Variants in ATXN2 observed in about 807,000 individuals in gnomAD.
ATXN2 encodes the protein ataxin-2.
In ATXN2, 37 loss-of-function variants were observed where a neutral mutation model predicts 138.6. The ratio of observed to expected loss-of-function variants is 0.27; its 90% confidence interval spans 0.21 to 0.35. ATXN2 has a LOEUF of 0.35. ATXN2 is among the 10% of genes least tolerant of loss of function. ATXN2 has a pLI of 1.00. For synonymous variants in ATXN2, 549 were observed against 543.7 expected (o/e 1.01, Z -0.13); for missense variants, 1,216 against 1,480.3 (o/e 0.82, Z 2.93).
chr12:111,496,879 GAAAT>G (rs1391595507), intron 14 of ATXN2, among the ~76,000 whole-genome samples: 1 of 151,202 alleles, frequency 6.6e-6, no homozygotes, highest in African/African-American at 2.4e-5. Context: ...AATCAAAGCA[GAAAT>G]AAATAAAATT....
At chr12:111,587,024 C>CAGA (rs1884380323) in intron 1 of ATXN2, among the ~76,000 whole-genome samples, 2 of 141,188 alleles carry the variant, frequency 1.4e-5, no homozygotes, top group South Asian at 4.4e-4. Context: ...AGTTTAAGCC[C>CAGA]AGAAGTTGGA....
At position 111,453,625 on chromosome 12, in the gene ATXN2, C is replaced by T. The variant is rs1476352158; in HGVS notation, c.3439+52G>A. 6.7e-6 allele frequency: 10 copies of T among 1,484,300 alleles called. No individual in the cohort carries two copies. The Admixed American group carries it at 7.2e-5, about 11-fold the overall frequency. The allele number at this position is 1,484,300 out of a possible 1,614,324, so 91.9% of individuals were successfully genotyped here. On this transcript the variant is annotated intron_variant, in intron 24 of 24. Coordinates refer to ENST00000673436, the MANE Select transcript of ATXN2 (RefSeq NM_001372574.1). This position sits in a 1 kb window ranked among gnomAD's most constrained non-coding sequence, Gnocchi z 5.4. ...GGCCCTGCCTGCCATTCCACCTGTG[C>T]GAGCAGAATGCTTTGGGGTGCCCCG...
At position 111,598,969 on chromosome 12, in the gene ATXN2, C is replaced by CTGT; in HGVS notation, c.65_66insACA (p.Gln28dup). 3 of 1,500,878 alleles carry CTGT rather than the reference C, an allele frequency of 2.0e-6. No homozygotes were observed. The highest frequency in any genetic ancestry group is 2.1e-5 in the Admixed American group (1 of 47,930). The allele number at this position is 1,500,878 out of a possible 1,614,324, so 93.0% of individuals were successfully genotyped here. A position where few individuals can be genotyped will look rare whatever the true frequency, so the allele number is the denominator to read the frequency against. On this transcript the variant is annotated inframe_insertion, in exon 1 of 25. Transcript: ENST00000673436. This position sits in a 1 kb window ranked among gnomAD's most constrained non-coding sequence, Gnocchi z 4.5. The stretch of plus-strand genomic sequence containing the variant: ...GCGGCGGCTGCTGCTGCTGCTGCTG[C>CTGT]TGCTGCTGTTGCTGCTGCTGCTGCT...
At position 111,599,127 on chromosome 12, in the gene ATXN2, G is replaced by T. The variant is rs1281787839; in HGVS notation, c.-93C>A. 24 of 1,228,120 alleles carry T rather than the reference G, an allele frequency of 2.0e-5. No homozygotes were observed. Among genetic ancestry groups the T allele is most frequent in the Non-Finnish European group, 2.2e-5 (22 of 985,776 alleles). 76.1% of individuals were successfully genotyped at this position (1,228,120 alleles called of 1,614,324 possible). A position where few individuals can be genotyped will look rare whatever the true frequency, so the allele number is the denominator to read the frequency against. On this transcript the variant is annotated 5_prime_UTR_variant, in exon 1 of 25. Transcript: ENST00000673436. ...ACGCCGGAACGCGGCGGGGACGCGC[G>T]GGCGCCGAGCGGGGAGGCGCGGGTT...
intron 1 of ATXN2, among the ~76,000 whole-genome samples, chr12:111,578,729 T>G (rs1202131742): frequency 2.0e-5 from 3 of 152,098 alleles, no homozygotes; most frequent in Non-Finnish European, 4.4e-5. Context: ...TCACTGGGCA[T>G]TAGGGAAATG....
In ATXN2 at chr12:111,598,088, C is replaced by A. The variant is rs1018171038; in HGVS notation, c.251+696G>T. On this transcript the variant is annotated intron_variant, in intron 1 of 24. Transcript: ENST00000673436. This position sits in a 1 kb window ranked among gnomAD's most constrained non-coding sequence, Gnocchi z 4.5. The stretch of plus-strand genomic sequence containing the variant: ...GAGGGTGGAACGCTGCCGGAGGCCA[C>A]ATGGAGCCCCACGATTTCAGGGGAG... 6 of 1,136,346 alleles carry A rather than the reference C, an allele frequency of 5.3e-6. No individual in the cohort carries two copies. In the East Asian group the frequency reaches 2.6e-4, roughly 49 times the overall value. 70.4% of individuals were successfully genotyped at this position (1,136,346 alleles called of 1,614,324 possible).
chr12:111,490,601 G>A (rs1252103009), intron 14 of ATXN2, among the ~76,000 whole-genome samples: 1 of 152,146 alleles, frequency 6.6e-6, no homozygotes, highest in Non-Finnish European at 1.5e-5. Flanking sequence ...CCAACAAGGA[G>A]CACCAAATTG....
intron 5 of ATXN2, among the ~76,000 whole-genome samples, chr12:111,548,848 A>T (rs572348353): frequency 6.6e-6 from 1 of 152,170 alleles, no homozygotes; most frequent in Non-Finnish European, 1.5e-5. Flanking sequence ...CCTCTCCCCA[A>T]GTAGCTGGGA....
At chr12:111,551,867 T>C (rs981247313) in intron 5 of ATXN2, among the ~76,000 whole-genome samples, 4 of 152,082 alleles carry the variant, frequency 2.6e-5, no homozygotes, top group Non-Finnish European at 4.4e-5. Flanking sequence ...TTCTAGAAAG[T>C]AGATATTTCT....
chr12:111,576,841 C>T (rs911582359), intron 1 of ATXN2, among the ~76,000 whole-genome samples: 5 of 151,554 alleles, frequency 3.3e-5, no homozygotes, highest in Admixed American at 2.0e-4. Flanking sequence ...TCCTGTAGTC[C>T]CAGCTACTTG....
intron 11 of ATXN2, chr12:111,512,836 T>C (rs1421032353): frequency 1.3e-5 from 2 of 152,472 alleles, no homozygotes; most frequent in Non-Finnish European, 2.9e-5. Context: ...TATTTGTATT[T>C]GATATTCCTT....
At position 111,518,270 on chromosome 12, in the gene ATXN2, C is replaced by T. The variant is rs775494424; in HGVS notation, c.1144G>A (p.Asp382Asn). 10 of 1,607,410 alleles carry T rather than the reference C, an allele frequency of 6.2e-6. No individual in the cohort carries two copies. In the Admixed American group the frequency reaches 1.7e-4, roughly 27 times the overall value. Reference sequence around the variant, plus strand: ...TTGCCTCCATTAACTACTCTTTGGTCTGAACCAGAATTCGGGTTGAAATCT... The same window carrying T: ...TTGCCTCCATTAACTACTCTTTGGTTTGAACCAGAATTCGGGTTGAAATCT... ...TSDFNPNSGS[D>N]QRVVNGGVPW... Residue 382 changes from aspartate (D) to asparagine (N), a missense_variant, in exon 9 of 25, where the codon GAC becomes AAC. Coordinates refer to ENST00000673436, the MANE Select transcript of ATXN2 (RefSeq NM_001372574.1).
chr12:111,565,995 CA>C (rs879709372), intron 1 of ATXN2, among the ~76,000 whole-genome samples: 2,149 of 105,770 alleles, frequency 0.02, 10 homozygotes, highest in Non-Finnish European at 0.027. Flanking sequence ...GATTCTGTCT[CA>C]AAAAAAAAAA....
intron 1 of ATXN2, among the ~76,000 whole-genome samples, chr12:111,574,019 A>G (rs2135817677): frequency 6.6e-6 from 1 of 151,848 alleles, no homozygotes; most frequent in East Asian, 1.9e-4. Context: ...ATTGGGTTAA[A>G]AAGTATGGAG....
At chr12:111,557,424 T>A (rs1033466302) in intron 1 of ATXN2, among the ~76,000 whole-genome samples, 1 of 152,236 alleles carries the variant, frequency 6.6e-6, no homozygotes, top group African/African-American at 2.4e-5. Flanking sequence ...TCTAATTCTG[T>A]AACTGTTTGC....
At chr12:111,549,918 C>T (rs533445584) in intron 5 of ATXN2, among the ~76,000 whole-genome samples, 10 of 151,458 alleles carry the variant, frequency 6.6e-5, no homozygotes, top group African/African-American at 1.9e-4. Flanking sequence ...AAAAATTAGC[C>T]GGGCATGGTG....
chr12:111,523,686 A>G (rs1453195142), intron 6 of ATXN2, among the ~76,000 whole-genome samples: 11 of 151,938 alleles, frequency 7.2e-5, no homozygotes, highest in African/African-American at 2.4e-4. Flanking sequence ...AGATCGCACC[A>G]CTGCACTCCA....
chr12:111,497,890 C>T (rs1878525654), intron 14 of ATXN2, among the ~76,000 whole-genome samples: 1 of 152,026 alleles, frequency 6.6e-6, no homozygotes, highest in African/African-American at 2.4e-5. Context: ...TTAGCGGACA[C>T]CTGTAGTCCC....
chr12:111,468,702 T>TTTC (rs1032554212), intron 20 of ATXN2: 1 of 146,780 alleles, frequency 6.8e-6, no homozygotes, highest in African/African-American at 2.6e-5. Context: ...AATTCTTTTT[T>TTTC]TTTTTTTTTT....
Sources: allele counts gnomAD v4.1 joint callset (sites outside exome capture counted in the v4.1 genomes callset), GRCh38; gene constraint gnomAD v4.1.1; non-coding constraint Gnocchi (gnomAD v3.1); transcripts MANE v1.5; gene names NCBI Gene and HGNC (gene_info 2026-07-23, HGNC 2026-07-21).